The following USH2A variants were observed in gnomAD, a reference collection of about 807,000 sequenced individuals.
The protein encoded by USH2A is usherin.
In USH2A, 443 loss-of-function variants were observed where a neutral mutation model predicts 538.9. That is an observed-to-expected ratio of 0.82 (90% CI 0.76 to 0.89). USH2A has a LOEUF of 0.89. Ranked by LOEUF, USH2A falls within the 40% of genes least tolerant of loss-of-function variation. The probability of loss-of-function intolerance (pLI) is 0.00; values close to 1 mark genes in which losing one functional copy is unlikely to be tolerated. For synonymous variants in USH2A, 2,413 were observed against 2,273.5 expected (o/e 1.06, Z -1.75); for missense variants, 6,633 against 6,324.8 (o/e 1.05, Z -1.65).
chr1:216,323,353 T>G, intron 8 of USH2A, 121 bp downstream of exon 8: 1 of 870,410 alleles, frequency 1.1e-6, no homozygotes, highest in Non-Finnish European at 1.8e-6. Flanking sequence ...CCTAAAATCT[T>G]AGAGTATGAA....
At chr1:216,006,548 G>A (rs555233337) in intron 32 of USH2A, among the ~76,000 whole-genome samples, 11 of 152,196 alleles carry the variant, frequency 7.2e-5, no homozygotes, top group African/African-American at 2.2e-4. Flanking sequence ...AGATGTTTCC[G>A]AGAGATGTCA....
chr1:216,355,165 T>C (rs2038359737), intron 4 of USH2A, among the ~76,000 whole-genome samples: 3 of 151,730 alleles, frequency 2.0e-5, no homozygotes, highest in Non-Finnish European at 4.4e-5. Flanking sequence ...AAAATTGGCA[T>C]GGTGGCATAC....
chr1:215,754,438 C>T (rs898134389), intron 58 of USH2A, among the ~76,000 whole-genome samples: 1 of 151,906 alleles, frequency 6.6e-6, no homozygotes, highest in Non-Finnish European at 1.5e-5. Context: ...TTTTCAGTTG[C>T]CAAGTAACCA....
At chr1:215,732,188 C>G (rs1660013795) in intron 60 of USH2A, among the ~76,000 whole-genome samples, 1 of 152,164 alleles carries the variant, frequency 6.6e-6, no homozygotes, top group African/African-American at 2.4e-5. Context: ...AATGGAAACA[C>G]AGGTGATTTA....
At chr1:215,970,485 C>A in intron 36 of USH2A, 140 bp downstream of exon 36, 1 of 1,085,290 alleles carries the variant, frequency 9.2e-7, no homozygotes, top group Non-Finnish European at 1.3e-6. Context: ...CTTAAATGAA[C>A]TTTTATAAAA....
At chr1:215,630,941 G>A (rs1656264106) in intron 70 of USH2A, among the ~76,000 whole-genome samples, 1 of 151,592 alleles carries the variant, frequency 6.6e-6, no homozygotes, top group Admixed American at 6.6e-5. Context: ...TATTTGTTTA[G>A]TATTGCAGGG....
Position 215,738,231 on chromosome 1 carries a change from C to T in USH2A, c.11711+3144G>A, listed in dbSNP as rs78943119. Reference sequence around the variant, plus strand: ...AGGGGGAATACTGAAGAATCATTATCATACCAGCCAAACTCATTGAGAGGA... The same window carrying T: ...AGGGGGAATACTGAAGAATCATTATTATACCAGCCAAACTCATTGAGAGGA... On this transcript the variant is annotated intron_variant, in intron 60 of 71. Coordinates refer to ENST00000307340, the MANE Select transcript of USH2A (RefSeq NM_206933.4). 4.7e-3 allele frequency among the ~76,000 whole-genome samples: 715 copies of T among 152,166 alleles called. 7 individuals carry two copies. The highest frequency in any genetic ancestry group is 0.016 in the African/African-American group (683 of 41,558).
chr1:215,762,525 A>G (rs1167815401), intron 56 of USH2A, among the ~76,000 whole-genome samples: 1 of 152,154 alleles, frequency 6.6e-6, no homozygotes, highest in Non-Finnish European at 1.5e-5. Flanking sequence ...CTCCATGCCC[A>G]TTGGTTTGAT....
intron 32 of USH2A, among the ~76,000 whole-genome samples, chr1:216,040,607 A>T (rs1333338174): frequency 1.3e-5 from 2 of 152,038 alleles, no homozygotes; most frequent in Non-Finnish European, 2.9e-5. Flanking sequence ...GATAGTCATC[A>T]TCGATCAGGT....
At chr1:215,670,601 G>C (rs1571945101) in intron 64 of USH2A, among the ~76,000 whole-genome samples, 1 of 152,116 alleles carries the variant, frequency 6.6e-6, no homozygotes, top group East Asian at 1.9e-4. Flanking sequence ...TTTGCTATTT[G>C]ATTTTATTTT....
In USH2A at chr1:216,161,555, A is replaced by C. The variant is rs77487016; in HGVS notation, c.4627+13697T>G. On this transcript the variant is annotated intron_variant, in intron 21 of 71. Transcript: ENST00000307340. Reference sequence around the variant, plus strand: ...TTATCAACTTCAAAGTATGATTTTTATGCCTTTTATCATAAATATTACTTT... The same window carrying C: ...TTATCAACTTCAAAGTATGATTTTTCTGCCTTTTATCATAAATATTACTTT... Among the ~76,000 whole-genome samples the C allele has an allele frequency of 9.2e-3, 1,399 of 152,122 alleles. 22 individuals are homozygous for C. The highest frequency in any genetic ancestry group is 0.03 in the African/African-American group (1,252 of 41,528).
At chr1:216,278,703 C>T (rs1558359805) in intron 11 of USH2A, among the ~76,000 whole-genome samples, 1 of 152,134 alleles carries the variant, frequency 6.6e-6, no homozygotes, top group Non-Finnish European at 1.5e-5. Flanking sequence ...GAAACTTATG[C>T]AATACTTATT....
At chr1:216,041,864 A>C (rs1483773049) in intron 32 of USH2A, among the ~76,000 whole-genome samples, 1 of 152,048 alleles carries the variant, frequency 6.6e-6, no homozygotes, top group Non-Finnish European at 1.5e-5. Context: ...TTGTAAAATA[A>C]TCAAATATTT....
intron 56 of USH2A, 152 bp from the exon 57 acceptor site, chr1:215,759,995 A>C: frequency 1.2e-6 from 1 of 831,816 alleles, no homozygotes; most frequent in Non-Finnish European, 1.9e-6. Flanking sequence ...ATTGGTGTAA[A>C]TATATTTTTA....
chr1:215,652,727 G>C (rs1274765248), intron 64 of USH2A, among the ~76,000 whole-genome samples: 1 of 152,090 alleles, frequency 6.6e-6, no homozygotes, highest in Non-Finnish European at 1.5e-5. Context: ...GGAAGTGGTG[G>C]GGGGGACACC....
chr1:215,638,955 G>GT (rs1640470602), intron 69 of USH2A, among the ~76,000 whole-genome samples, 200 bp downstream of exon 69: 1 of 150,252 alleles, frequency 6.7e-6, no homozygotes, highest in African/African-American at 2.5e-5. Context: ...TCCAGCCTGA[G>GT]TGACAGAGCA....
intron 44 of USH2A, among the ~76,000 whole-genome samples, chr1:215,852,307 A>G (rs1664039073): frequency 6.6e-6 from 1 of 152,168 alleles, no homozygotes; most frequent in South Asian, 2.1e-4. Flanking sequence ...AAACCATCAG[A>G]TCTCATCAGA....
At chr1:215,639,946 C>T (rs1270449343) in intron 68 of USH2A, among the ~76,000 whole-genome samples, 2 of 152,200 alleles carry the variant, frequency 1.3e-5, no homozygotes, top group Admixed American at 6.5e-5. Flanking sequence ...AACATTGGTC[C>T]TGTGAGCATG....
Position 216,306,005 on chromosome 1 carries a change from G to A in USH2A, c.1645-13635C>T, listed in dbSNP as rs144948715. On this transcript the variant is annotated intron_variant, in intron 9 of 71. Coordinates refer to ENST00000307340, the MANE Select transcript of USH2A (RefSeq NM_206933.4). ...TATGTGCCTTGGCAATGACCTTTTTGTGATGAATTTCCCAGGTGTTCTTTC... is the reference window on the plus strand; with the variant it reads ...TATGTGCCTTGGCAATGACCTTTTTATGATGAATTTCCCAGGTGTTCTTTC... 3.9e-3 allele frequency among the ~76,000 whole-genome samples: 598 copies of A among 152,170 alleles called. 3 individuals are homozygous for A. Among genetic ancestry groups the A allele is most frequent in the African/African-American group, 0.014 (565 of 41,516 alleles).
Sources: gnomAD v4.1 joint callset for allele counts (sites outside exome capture counted in the v4.1 genomes callset) on GRCh38, gnomAD v4.1.1 for gene constraint, MANE v1.5 for transcripts, NCBI Gene and HGNC (gene_info 2026-07-23, HGNC 2026-07-21) for gene names.